The following RSPH9 variants were observed in gnomAD, a reference collection of about 807,000 sequenced individuals.
RSPH9 encodes radial spoke head component 9.
A neutral mutation model predicts 27.0 loss-of-function variants in RSPH9; 27 were observed. That is an observed-to-expected ratio of 1.00 (90% CI 0.74 to 1.38). The LOEUF is 1.38. Among genes scored for constraint, RSPH9 ranks in the 40% most tolerant of loss-of-function variants. The probability of loss-of-function intolerance (pLI) is 0.00; values close to 1 mark genes in which losing one functional copy is unlikely to be tolerated. For synonymous variants in RSPH9, 145 were observed against 147.7 expected (o/e 0.98, Z 0.13); for missense variants, 347 against 357.4 (o/e 0.97, Z 0.24).
At chr6:43,654,839 A>G (rs1367503673) in intron 2 of RSPH9, among the ~76,000 whole-genome samples, 1 of 151,850 alleles carries the variant, frequency 6.6e-6, no homozygotes, top group East Asian at 1.9e-4. Flanking sequence ...AAATAAATAA[A>G]AATAATAATA....
rs1771707839 is a variant in RSPH9, at chr6:43,653,591, C to T, written c.394-1971C>T. On this transcript the variant is annotated intron_variant, in intron 2 of 4. Transcript: ENST00000372163. ...CAATACAATCCCAGAATTCAAAGCACAGCTGTTGCACTTGAACCTGGGTGA... is the reference window on the plus strand; with the variant it reads ...CAATACAATCCCAGAATTCAAAGCATAGCTGTTGCACTTGAACCTGGGTGA... 2.0e-5 allele frequency among the ~76,000 whole-genome samples: 3 copies of T among 152,102 alleles called. No individual in the cohort carries two copies. The South Asian group carries it at 6.2e-4, about 31-fold the overall frequency.
Position 43,646,468 on chromosome 6 carries a change from G to A in RSPH9, c.227+1143G>A, listed in dbSNP as rs542117278. 1.3e-4 allele frequency among the ~76,000 whole-genome samples: 20 copies of A among 151,080 alleles called. No individual in the cohort carries two copies. In the East Asian group the frequency reaches 3.8e-3, roughly 29 times the overall value. ...ATTTTTGTAATTTTAATAGAGACAGGGTTTCACTATGCTGGTTAGGCTGGT... is the reference window on the plus strand; with the variant it reads ...ATTTTTGTAATTTTAATAGAGACAGAGTTTCACTATGCTGGTTAGGCTGGT... On this transcript the variant is annotated intron_variant, in intron 1 of 4. Transcript: ENST00000372163.
intron 3 of RSPH9, 53 bp from the exon 4 acceptor site, chr6:43,656,524 G>T: frequency 6.2e-7 from 1 of 1,610,210 alleles, no homozygotes; most frequent in South Asian, 1.1e-5. Flanking sequence ...ACAGAAAGGG[G>T]GCTGGGGGGT....
chr6:43,645,303 G>C lies in RSPH9; in HGVS notation c.205G>C (p.Ala69Pro), dbSNP rs1477090977. ...IAQGLSEDQL[A>P]PRKTLYSLNC... ...GCAGGGCCTGAGTGAGGACCAGCTC[G>C]CACCGCGCAAGACGCTCTATAGGTG... Residue 69 changes from alanine to proline, a missense_variant, in exon 1 of 5, where the codon GCA (alanine) becomes CCA (proline). By Grantham distance (27) the Ala-to-Pro change is conservative. Coordinates refer to ENST00000372163, the MANE Select transcript of RSPH9 (RefSeq NM_152732.5). 3.6e-6 allele frequency: 5 copies of C among 1,374,142 alleles called. 1 individual carries two copies. The South Asian group carries it at 5.7e-5, about 16-fold the overall frequency. The allele number at this position is 1,374,142 out of a possible 1,614,324, so 85.1% of individuals were successfully genotyped here.
intron 4 of RSPH9, among the ~76,000 whole-genome samples, chr6:43,657,633 G>T (rs898549530): frequency 6.6e-6 from 1 of 152,200 alleles, no homozygotes; most frequent in Non-Finnish European, 1.5e-5. Flanking sequence ...AGCAGCAAGC[G>T]ACCCAACTGG....
intron 4 of RSPH9, among the ~76,000 whole-genome samples, chr6:43,670,381 C>A (rs1013398346): frequency 2.0e-5 from 3 of 152,062 alleles, no homozygotes; most frequent in Non-Finnish European, 4.4e-5. Flanking sequence ...GTGGGAGGAT[C>A]GCCTGAGCCC....
intron 2 of RSPH9, among the ~76,000 whole-genome samples, chr6:43,650,762 T>C (rs1243944022): frequency 6.6e-6 from 1 of 151,824 alleles, no homozygotes. Context: ...AAAAATTAGC[T>C]GGGTGTGGTG....
chr6:43,666,964 G>T (rs759850503), intron 4 of RSPH9, among the ~76,000 whole-genome samples: 12 of 152,038 alleles, frequency 7.9e-5, no homozygotes, highest in Non-Finnish European at 1.6e-4. Flanking sequence ...GGCTGCTCTC[G>T]AACTCCTGAC....
At chr6:43,653,403 C>T (rs1441790080) in intron 2 of RSPH9, among the ~76,000 whole-genome samples, 2 of 142,556 alleles carry the variant, frequency 1.4e-5, no homozygotes, top group East Asian at 2.1e-4. Flanking sequence ...GCCAAGATCG[C>T]GTCATTGCAC....
Position 43,655,656 on chromosome 6 carries a change from C to A in RSPH9, c.488C>A (p.Pro163His). The stretch of plus-strand genomic sequence containing the variant: ...CCCCGAGGCGCCCTCTTCAAGACCC[C>A]TTTTGGACCCACCCATGTCAATCGG... ...IIPRGALFKT[P>H]FGPTHVNRTF... is the part of the protein sequence containing the mutation. The change falls in exon 3 of 5, where the codon CCT (proline) becomes CAT (histidine). Residue 163 changes from proline (P) to histidine (H), a missense_variant. Transcript: ENST00000372163. The A allele has an allele frequency of 6.2e-7, 1 of 1,614,252 alleles. No individual in the cohort carries two copies.
At position 43,672,139 on chromosome 6, in the gene RSPH9, G is replaced by C. The variant is rs1294097740; in HGVS notation, c.*1190G>C. On this transcript the variant is annotated 3_prime_UTR_variant, in exon 5 of 5. Transcript: ENST00000372163. Reference sequence around the variant, plus strand: ...TGTGTGGCCAGGTTCAGGCAGCCCAGGGCCACAAGCTCCCTTGATCTTTGT... The same window carrying C: ...TGTGTGGCCAGGTTCAGGCAGCCCACGGCCACAAGCTCCCTTGATCTTTGT... The C allele has an allele frequency of 8.4e-6, 5 of 592,112 alleles. No homozygotes were observed. Among genetic ancestry groups the C allele is most frequent in the Non-Finnish European group, 1.5e-5 (5 of 328,642 alleles). 36.7% of individuals were successfully genotyped at this position (592,112 alleles called of 1,614,324 possible).
At chr6:43,665,128 A>G (rs1197516367) in intron 4 of RSPH9, among the ~76,000 whole-genome samples, 1 of 152,216 alleles carries the variant, frequency 6.6e-6, no homozygotes, top group Non-Finnish European at 1.5e-5. Flanking sequence ...GTGGAGCCTC[A>G]TCCACTGTGC....
In RSPH9 at chr6:43,671,880, G is replaced by A; in HGVS notation, c.*931G>A. The A allele has an allele frequency of 6.2e-7, 1 of 1,612,986 alleles. No homozygotes were observed. ...GCCTTTTTTGTAGATGGGCTTGACGGAGCCAGGAGCCCAGCGCGTCAGGTA... is the reference window on the plus strand; with the variant it reads ...GCCTTTTTTGTAGATGGGCTTGACGAAGCCAGGAGCCCAGCGCGTCAGGTA... On this transcript the variant is annotated 3_prime_UTR_variant, in exon 5 of 5. Coordinates refer to ENST00000372163, the MANE Select transcript of RSPH9 (RefSeq NM_152732.5).
chr6:43,666,430 A>G (rs1301401200), intron 4 of RSPH9: 70 of 1,549,910 alleles, frequency 4.5e-5, no homozygotes, highest in Non-Finnish European at 5.3e-5. Context: ...TCAGGGTCTG[A>G]GGCAGTTGTT....
intron 4 of RSPH9, among the ~76,000 whole-genome samples, chr6:43,665,101 G>T (rs1057288767): frequency 6.6e-6 from 1 of 152,244 alleles, no homozygotes; most frequent in Non-Finnish European, 1.5e-5. Context: ...GGCTGGTGCA[G>T]TAGTGCTGCT....
At position 43,667,658 on chromosome 6, in the gene RSPH9, G is replaced by C. The variant is rs9472105; in HGVS notation, c.671-3131G>C. The stretch of plus-strand genomic sequence containing the variant: ...CTGCCTTTGCTACTCGATTTGATAC[G>C]GGTCTGGCAGCCAGAGGTTTCTCCC... On this transcript the variant is annotated intron_variant, in intron 4 of 4. Transcript: ENST00000372163. Among the ~76,000 whole-genome samples, 3 of 152,156 alleles carry C rather than the reference G, an allele frequency of 2.0e-5. No homozygotes were observed. In the East Asian group the frequency reaches 5.8e-4, roughly 30 times the overall value.
chr6:43,646,523 C>T (rs1292652234), intron 1 of RSPH9, among the ~76,000 whole-genome samples: 1 of 150,246 alleles, frequency 6.7e-6, no homozygotes, highest in Non-Finnish European at 1.5e-5. Context: ...GTAATCCACC[C>T]GCCTCGGCCT....
At chr6:43,655,821 C>T in intron 3 of RSPH9, 130 bp downstream of exon 3, 2 of 1,134,894 alleles carry the variant, frequency 1.8e-6, no homozygotes, top group Non-Finnish European at 2.6e-6. Flanking sequence ...ACCTTATCAC[C>T]TGGGAGGGTG....
At chr6:43,652,592 A>G (rs1771592845) in intron 2 of RSPH9, among the ~76,000 whole-genome samples, 1 of 151,626 alleles carries the variant, frequency 6.6e-6, no homozygotes, top group African/African-American at 2.4e-5. Context: ...CGCCTGGCTA[A>G]TTTTTATATT....
Sources: gnomAD v4.1 joint callset for allele counts (sites outside exome capture counted in the v4.1 genomes callset) on GRCh38, gnomAD v4.1.1 for gene constraint, MANE v1.5 for transcripts, NCBI Gene and HGNC (gene_info 2026-07-23, HGNC 2026-07-21) for gene names.